The following TENM1 variants were observed in gnomAD, a reference collection of about 807,000 sequenced individuals.
The protein encoded by TENM1 is teneurin-1.
A neutral mutation model predicts 174.8 loss-of-function variants in TENM1; 35 were observed. The ratio of observed to expected loss-of-function variants is 0.20; its 90% CI spans 0.15 to 0.27. The LOEUF is 0.27. Among genes scored for constraint, TENM1 ranks in the 10% least tolerant of loss-of-function variants. TENM1 has a pLI of 1.00. For missense variants in TENM1, 1,633 were observed against 2,130.1 expected, an observed-to-expected ratio of 0.77 and a Z score of 4.59; for synonymous variants, 781 against 798.7, an observed-to-expected ratio of 0.98 and a Z score of 0.37.
intron 11 of TENM1, among the ~76,000 whole-genome samples, chrX:124,625,451 T>G (rs1245633752): frequency 1.8e-5 from 2 of 111,193 alleles, no homozygotes; most frequent in Non-Finnish European, 3.8e-5. Flanking sequence ...CAATATATTA[T>G]ATAATTGAAA....
chrX:124,764,405 T>C (rs2054492445), intron 3 of TENM1, among the ~76,000 whole-genome samples: 1 of 111,554 alleles, frequency 9.0e-6, no homozygotes, highest in Admixed American at 9.6e-5. Context: ...CTGGGTATAG[T>C]GTTTAGGGAG....
At chrX:124,864,574 A>G (rs1393916632) in intron 3 of TENM1, among the ~76,000 whole-genome samples, 1 of 111,650 alleles carries the variant, frequency 9.0e-6, no homozygotes, top group Non-Finnish European at 1.9e-5. Flanking sequence ...TAACAAGAAC[A>G]AAAACAAGAA....
chrX:125,071,872 C>T, the TENM1 span, among the ~76,000 whole-genome samples: 1 of 110,598 alleles, frequency 9.0e-6, no homozygotes, highest in Non-Finnish European at 1.9e-5. Context: ...TCTGTCAGAT[C>T]ATATAAATAA....
intron 6 of TENM1, among the ~76,000 whole-genome samples, chrX:124,662,122 C>T (rs1216493348): frequency 9.0e-6 from 1 of 110,883 alleles, no homozygotes; most frequent in Admixed American, 9.6e-5. Flanking sequence ...TACTCATACT[C>T]GGTGTCTCCC....
At chrX:124,627,535 G>A (rs1459926175) in intron 11 of TENM1, among the ~76,000 whole-genome samples, 1 of 111,789 alleles carries the variant, frequency 8.9e-6, no homozygotes, top group Non-Finnish European at 1.9e-5. Flanking sequence ...TGGAGAATGA[G>A]GTCATGGCAG....
At chrX:124,936,129 A>G (rs2058240997) in intron 1 of TENM1, among the ~76,000 whole-genome samples, 1 of 111,715 alleles carries the variant, frequency 9.0e-6, no homozygotes, top group African/African-American at 3.3e-5. Context: ...TAGTCCCATT[A>G]CCTTAGGAGA....
At chrX:124,677,623 G>A (rs947960413) in intron 5 of TENM1, among the ~76,000 whole-genome samples, 2 of 111,640 alleles carry the variant, frequency 1.8e-5, no homozygotes, top group Admixed American at 9.6e-5. Flanking sequence ...CTTTATTAAT[G>A]TAGTTAAAAA....
At position 124,492,988 on chromosome X, in the gene TENM1, A is replaced by T. The variant is rs180880701; in HGVS notation, c.3695+4028T>A. ...AAGAAGAACTACTCTAAAGGATCTC[A>T]ACTCAGAAAAGCCGGCTAGCTTGAG... On this transcript the variant is annotated intron_variant, in intron 20 of 31. Coordinates refer to ENST00000422452, the Ensembl canonical transcript of TENM1. Among the ~76,000 whole-genome samples the T allele has an allele frequency of 1.5e-3, 170 of 111,175 alleles. 1 individual carries two copies. The Admixed American group carries it at 0.015, about 10-fold the overall frequency.
chrX:124,381,908 A>G (rs1056713345), intron 31 of TENM1, among the ~76,000 whole-genome samples: 1 of 111,672 alleles, frequency 9.0e-6, no homozygotes, highest in African/African-American at 3.3e-5. Context: ...TGTTTTTTAG[A>G]AGGACTTTTA....
intron 3 of TENM1, among the ~76,000 whole-genome samples, chrX:124,749,883 T>C (rs1244507587): frequency 8.9e-6 from 1 of 111,816 alleles, no homozygotes; most frequent in Admixed American, 9.6e-5. Context: ...TTATAGTATA[T>C]GTAAACAGCA....
the TENM1 span, among the ~76,000 whole-genome samples, chrX:124,983,540 C>A: frequency 2.7e-5 from 3 of 111,377 alleles, no homozygotes; most frequent in African/African-American, 9.8e-5. Flanking sequence ...CATAATAGGC[C>A]CTCACTGAAT....
chrX:125,098,522 CA>C, the TENM1 span, among the ~76,000 whole-genome samples: 1 of 111,799 alleles, frequency 8.9e-6, no homozygotes, highest in East Asian at 2.8e-4. Flanking sequence ...TAAATTCCAA[CA>C]AAAAATGGCG....
At chrX:125,014,740 C>A in the TENM1 span, among the ~76,000 whole-genome samples, 1 of 111,079 alleles carries the variant, frequency 9.0e-6, no homozygotes, top group African/African-American at 3.3e-5. Flanking sequence ...AGATGGATTT[C>A]AAAATCTTTA....
intron 4 of TENM1, among the ~76,000 whole-genome samples, chrX:124,735,457 T>C (rs1229909443): frequency 1.8e-5 from 2 of 111,946 alleles, no homozygotes; most frequent in African/African-American, 6.5e-5. Context: ...ACAACAGGTA[T>C]TGGTGAAAAT....
intron 3 of TENM1, among the ~76,000 whole-genome samples, chrX:124,786,443 T>C (rs2055038357): frequency 8.9e-6 from 1 of 111,924 alleles, no homozygotes. Flanking sequence ...CTCTAACACC[T>C]ACTCACACGA....
chrX:125,113,891 C>T, the TENM1 span, among the ~76,000 whole-genome samples: 1 of 111,010 alleles, frequency 9.0e-6, no homozygotes, highest in African/African-American at 3.3e-5. Context: ...GACTTGAACT[C>T]GGCTCTGGAC....
the TENM1 span, among the ~76,000 whole-genome samples, chrX:125,038,388 A>G: frequency 2.7e-5 from 3 of 110,683 alleles, no homozygotes; most frequent in Non-Finnish European, 5.7e-5. Flanking sequence ...AAAAATAGGA[A>G]TAATAATAAT....
chrX:125,098,245 C>G, the TENM1 span, among the ~76,000 whole-genome samples: 648 of 111,547 alleles, frequency 5.8e-3, 3 homozygotes, highest in African/African-American at 0.019. Context: ...GCCTGGGCGA[C>G]AGAGCAAGAC....
chrX:124,488,863 A>T (rs2047006249), intron 20 of TENM1, among the ~76,000 whole-genome samples: 1 of 112,380 alleles, frequency 8.9e-6, no homozygotes, highest in African/African-American at 3.2e-5. Context: ...AAATTCTTAC[A>T]TGATGGCAAG....
Sources: gnomAD v4.1 joint callset for allele counts (sites outside exome capture counted in the v4.1 genomes callset) on GRCh38, gnomAD v4.1.1 for gene constraint, MANE v1.5 for transcripts, NCBI Gene and HGNC (gene_info 2026-07-23, HGNC 2026-07-21) for gene names.